The following CCDC158 variants were observed in gnomAD, a reference collection of about 807,000 sequenced individuals.
CCDC158 encodes coiled-coil domain containing 158.
A neutral mutation model predicts 138.6 loss-of-function variants in CCDC158; 116 were observed. That is an observed-to-expected ratio of 0.84 (90% CI 0.72 to 0.98). The LOEUF is 0.98. CCDC158 is among the 50% of genes least tolerant of loss of function. The pLI, the probability that CCDC158 is intolerant of heterozygous loss-of-function variation, is 0.00. For synonymous variants in CCDC158, 436 were observed against 442.4 expected (o/e 0.99, Z 0.18); for missense variants, 1,265 against 1,306.1 (o/e 0.97, Z 0.48).
chr4:76,362,090 T>C (rs1724196362), intron 13 of CCDC158, 36 bp downstream of exon 13: 1 of 1,591,348 alleles, frequency 6.3e-7, no homozygotes, highest in Middle Eastern at 1.7e-4. Context: ...GCTAAGACTC[T>C]TATTTTTTAG....
intron 2 of CCDC158, among the ~76,000 whole-genome samples, chr4:76,406,083 A>G (rs1055374449): frequency 6.6e-6 from 1 of 152,194 alleles, no homozygotes; most frequent in Non-Finnish European, 1.5e-5. Context: ...CAACCCTGCT[A>G]TGTACAAAAA....
At chr4:76,315,693 C>T (rs1187374817) in intron 24 of CCDC158, among the ~76,000 whole-genome samples, 2 of 152,178 alleles carry the variant, frequency 1.3e-5, no homozygotes, top group East Asian at 3.8e-4. Flanking sequence ...ATATCTATGA[C>T]CAAGGACTCT....
chr4:76,319,466 ATATATATATATATATATATAT>A (rs1366236478), intron 24 of CCDC158, among the ~76,000 whole-genome samples: 1 of 8,968 alleles, frequency 1.1e-4, no homozygotes, highest in Non-Finnish European at 1.8e-4. Context: ...AAAAAAAAAA[ATATATATATATATATATATAT>A]ATATATATAT....
In CCDC158 at chr4:76,329,176, A is replaced by C. The variant is rs140709530; in HGVS notation, c.2943-209T>G. ...TATTCAGAATCCATGAACATTTTAC[A>C]GAATGAAAATATATAATCTTCATTA... On this transcript the variant is annotated intron_variant, in intron 21 of 24. Coordinates refer to ENST00000682701, the MANE Select transcript of CCDC158 (RefSeq NM_001394954.1). 2.5e-3 allele frequency among the ~76,000 whole-genome samples: 388 copies of C among 152,364 alleles called. 3 individuals carry two copies. Among genetic ancestry groups the C allele is most frequent in the African/African-American group, 8.8e-3 (365 of 41,582 alleles).
chr4:76,367,906 T>C (rs1344607496), intron 11 of CCDC158, 130 bp from the exon 12 acceptor site: 3 of 902,602 alleles, frequency 3.3e-6, no homozygotes, highest in South Asian at 4.2e-5. Context: ...TTTTTTTTTT[T>C]TTTAAGAGAT....
At chr4:76,334,454 A>G (rs1256878806) in intron 18 of CCDC158, among the ~76,000 whole-genome samples, 2 of 152,214 alleles carry the variant, frequency 1.3e-5, no homozygotes. Context: ...ACAATGTAGT[A>G]TGAACATCCT....
chr4:76,323,867 T>C (rs1404900899), intron 23 of CCDC158, among the ~76,000 whole-genome samples: 1 of 152,192 alleles, frequency 6.6e-6, no homozygotes, highest in African/African-American at 2.4e-5. Context: ...CTAACGTGAA[T>C]GGTATTGTAT....
At chr4:76,332,343 CTT>C (rs1470593717) in intron 20 of CCDC158, 87 bp downstream of exon 20, 2 of 1,106,840 alleles carry the variant, frequency 1.8e-6, no homozygotes, top group Non-Finnish European at 2.7e-6. Flanking sequence ...GTCATGTAAA[CTT>C]ATGTCCAAAC....
At chr4:76,373,471 T>G (rs1049268034) in intron 9 of CCDC158, among the ~76,000 whole-genome samples, 3 of 152,208 alleles carry the variant, frequency 2.0e-5, no homozygotes, top group African/African-American at 7.2e-5. Flanking sequence ...CTGGTTTGGA[T>G]GATGTACTAT....
intron 4 of CCDC158, among the ~76,000 whole-genome samples, chr4:76,392,215 A>C (rs1399689656): frequency 6.6e-6 from 1 of 152,062 alleles, no homozygotes; most frequent in Non-Finnish European, 1.5e-5. Flanking sequence ...CTGATGCAGA[A>C]ATCCTTAACA....
chr4:76,347,011 A>G (rs1722618587), intron 18 of CCDC158, among the ~76,000 whole-genome samples: 1 of 152,160 alleles, frequency 6.6e-6, no homozygotes, highest in Non-Finnish European at 1.5e-5. Context: ...TGGCGATCTT[A>G]AAAAGTCAGG....
chr4:76,390,202 G>C (rs10470888), intron 4 of CCDC158, among the ~76,000 whole-genome samples: 4,473 of 152,176 alleles, frequency 0.029, 216 homozygotes, highest in African/African-American at 0.1. Flanking sequence ...GTTAAATAGT[G>C]GGGGCACAAA....
chr4:76,383,385 C>T (rs1726461770), intron 7 of CCDC158, among the ~76,000 whole-genome samples: 1 of 152,150 alleles, frequency 6.6e-6, no homozygotes, highest in Non-Finnish European at 1.5e-5. Context: ...TGCCCCCTGG[C>T]TATAAATCCC....
At chr4:76,380,262 C>T (rs1425329712) in intron 8 of CCDC158, among the ~76,000 whole-genome samples, 3 of 152,098 alleles carry the variant, frequency 2.0e-5, no homozygotes, top group Non-Finnish European at 2.9e-5. Context: ...GAGGGAAAGT[C>T]TGGAACTTCC....
chr4:76,381,049 GA>G (rs1189881001), intron 8 of CCDC158, among the ~76,000 whole-genome samples: 2 of 152,214 alleles, frequency 1.3e-5, no homozygotes, highest in South Asian at 2.1e-4. Flanking sequence ...AGCATGTATG[GA>G]AATGCCTGGA....
chr4:76,365,779 A>G (rs1433319111), intron 12 of CCDC158, among the ~76,000 whole-genome samples: 1 of 152,034 alleles, frequency 6.6e-6, no homozygotes, highest in African/African-American at 2.4e-5. Flanking sequence ...AGAAACACCA[A>G]ATCTCACACC....
At chr4:76,362,471 T>C (rs1724245128) in intron 12 of CCDC158, among the ~76,000 whole-genome samples, 156 bp from the exon 13 acceptor site, 1 of 152,242 alleles carries the variant, frequency 6.6e-6, no homozygotes, top group Admixed American at 6.5e-5. Flanking sequence ...ATATTTATTA[T>C]CTTTTCATTA....
chr4:76,395,271 G>A (rs1364443607), intron 4 of CCDC158, among the ~76,000 whole-genome samples: 5 of 152,100 alleles, frequency 3.3e-5, no homozygotes, highest in African/African-American at 1.2e-4. Flanking sequence ...TGAATTCCTT[G>A]TAAGTCCTAC....
At chr4:76,323,110 CAAG>C (rs1720187302) in intron 24 of CCDC158, among the ~76,000 whole-genome samples, 189 bp downstream of exon 24, 1 of 152,128 alleles carries the variant, frequency 6.6e-6, no homozygotes, top group African/African-American at 2.4e-5. Context: ...TATAGCAGGG[CAAG>C]AGTGACCTGC....
Sources: gnomAD v4.1 joint callset for allele counts (sites outside exome capture counted in the v4.1 genomes callset) on GRCh38, gnomAD v4.1.1 for gene constraint, MANE v1.5 for transcripts, NCBI Gene and HGNC (gene_info 2026-07-23, HGNC 2026-07-21) for gene names.